The following LRRC8D variants were observed in gnomAD, a reference collection of about 807,000 sequenced individuals.
LRRC8D encodes leucine rich repeat containing 8 VRAC subunit D.
A neutral mutation model predicts 55.8 loss-of-function variants in LRRC8D; 20 were observed. That is an observed-to-expected ratio of 0.36 (90% CI 0.25 to 0.52). LRRC8D has a LOEUF of 0.52. Ranked by LOEUF, LRRC8D falls within the 20% of genes least tolerant of loss-of-function variation. The pLI is 0.93. For synonymous variants in LRRC8D, 352 were observed against 377.0 expected (o/e 0.93, Z 0.77); for missense variants, 651 against 1,030.8 (o/e 0.63, Z 5.05).
chr1:89,926,342 T>G (rs1663564518), intron 2 of LRRC8D, among the ~76,000 whole-genome samples: 1 of 152,270 alleles, frequency 6.6e-6, no homozygotes, highest in Admixed American at 6.5e-5. Flanking sequence ...GTACACTTAC[T>G]GCTTATCATC....
intron 2 of LRRC8D, among the ~76,000 whole-genome samples, chr1:89,854,837 T>C (rs1017740697): frequency 2.6e-5 from 4 of 152,112 alleles, no homozygotes; most frequent in Admixed American, 6.5e-5. Context: ...TGTCTGCAGT[T>C]GTGTCTGTAC....
chr1:89,839,216 G>A (rs1031827561), intron 1 of LRRC8D, among the ~76,000 whole-genome samples: 1 of 152,298 alleles, frequency 6.6e-6, no homozygotes, highest in African/African-American at 2.4e-5. Flanking sequence ...ACCTCCCTGC[G>A]AAGGTAGTTC....
chr1:89,832,350 T>C (rs1660907389), intron 1 of LRRC8D, among the ~76,000 whole-genome samples: 2 of 152,238 alleles, frequency 1.3e-5, no homozygotes, highest in Admixed American at 6.5e-5. Context: ...TCCTGGAATT[T>C]CAGCATTTTC....
At chr1:89,855,303 T>C (rs1661526699) in intron 2 of LRRC8D, among the ~76,000 whole-genome samples, 1 of 152,224 alleles carries the variant, frequency 6.6e-6, no homozygotes, top group East Asian at 1.9e-4. Context: ...GGTGTACTTA[T>C]TCTTCAAAGC....
At chr1:89,859,248 T>A (rs2100788788) in intron 2 of LRRC8D, among the ~76,000 whole-genome samples, 1 of 152,004 alleles carries the variant, frequency 6.6e-6, no homozygotes, top group East Asian at 1.9e-4. Flanking sequence ...CAAAGCTAGG[T>A]AATTTGACTC....
At chr1:89,843,946 C>CGCCCGA (rs1661206335) in intron 2 of LRRC8D, among the ~76,000 whole-genome samples, 164 bp downstream of exon 2, 2 of 152,358 alleles carry the variant, frequency 1.3e-5, no homozygotes, top group South Asian at 4.1e-4. Context: ...TGGCTGCTGC[C>CGCCCGA]GCCCTGGGTT....
chr1:89,914,406 C>T (rs560985236), intron 2 of LRRC8D, among the ~76,000 whole-genome samples: 64 of 152,342 alleles, frequency 4.2e-4, no homozygotes, highest in Admixed American at 1.9e-3. Flanking sequence ...AAGGGGCTCC[C>T]ACAGTGCATT....
chr1:89,912,269 G>A (rs1300236120), intron 2 of LRRC8D, among the ~76,000 whole-genome samples: 1 of 152,124 alleles, frequency 6.6e-6, no homozygotes, highest in East Asian at 1.9e-4. Flanking sequence ...ACGGAATGGT[G>A]ACCTCATTGC....
intron 2 of LRRC8D, among the ~76,000 whole-genome samples, chr1:89,925,459 G>A (rs1570895342): frequency 6.6e-6 from 1 of 152,138 alleles, no homozygotes; most frequent in South Asian, 2.1e-4. Context: ...TGGAAAAATT[G>A]TCTTCCATGA....
intron 2 of LRRC8D, among the ~76,000 whole-genome samples, chr1:89,908,232 A>G (rs1663044172): frequency 2.6e-5 from 4 of 152,112 alleles, no homozygotes; most frequent in Admixed American, 2.6e-4. Flanking sequence ...GATTGCTATT[A>G]CTCTAGTCTG....
intron 2 of LRRC8D, among the ~76,000 whole-genome samples, chr1:89,922,332 T>G (rs1469355794): frequency 6.6e-6 from 1 of 152,194 alleles, no homozygotes; most frequent in African/African-American, 2.4e-5. Flanking sequence ...CCCAAAGTGC[T>G]GGGATTACAG....
chr1:89,872,041 T>G (rs1256797744), intron 2 of LRRC8D, among the ~76,000 whole-genome samples: 2 of 152,238 alleles, frequency 1.3e-5, no homozygotes, highest in Non-Finnish European at 2.9e-5. Context: ...CCTCATTACC[T>G]GGCAATCTCT....
chr1:89,832,859 A>G lies in LRRC8D; in HGVS notation c.-147-10779A>G, dbSNP rs140373135. Among the ~76,000 whole-genome samples the G allele has an allele frequency of 4.3e-3, 649 of 152,376 alleles. 8 individuals carry two copies. Among genetic ancestry groups the G allele is most frequent in the African/African-American group, 0.014 (598 of 41,588 alleles). On this transcript the variant is annotated intron_variant, in intron 1 of 2. Transcript: ENST00000337338. The stretch of plus-strand genomic sequence containing the variant: ...TGACGAATCTGGAAATAAGACTAGG[A>G]AACACTTCACCATGTGCCAGGCACT...
At chr1:89,890,123 C>G (rs953659990) in intron 2 of LRRC8D, among the ~76,000 whole-genome samples, 20 of 152,130 alleles carry the variant, frequency 1.3e-4, no homozygotes, top group Non-Finnish European at 2.2e-4. Context: ...GGAGGCGGAG[C>G]TTGGCAGTGA....
At position 89,843,764 on chromosome 1, in the gene LRRC8D, G is replaced by T. The variant is rs1021193203; in HGVS notation, c.-21G>T. 1.4e-6 allele frequency: 1 copy of T among 693,362 alleles called. No individual in the cohort carries two copies. Among genetic ancestry groups the T allele is most frequent in the African/African-American group, 1.8e-5 (1 of 56,964 alleles). 43.0% of individuals were successfully genotyped at this position (693,362 alleles called of 1,614,324 possible). A position where few individuals can be genotyped will look rare whatever the true frequency, so the allele number is the denominator to read the frequency against. ...CCCCAGAGAGCGCCCTGAGAGAACA[G>T]GGTGGCCGCTTGGTCCAGGTGCGCG... On this transcript the variant is annotated 5_prime_UTR_variant, in exon 2 of 3. It adds an upstream start codon to the 5' untranslated region. Transcript: ENST00000337338.
intron 1 of LRRC8D, among the ~76,000 whole-genome samples, chr1:89,836,870 T>C (rs1661015498): frequency 6.6e-6 from 1 of 152,244 alleles, no homozygotes; most frequent in Non-Finnish European, 1.5e-5. Flanking sequence ...ATTAATGTTA[T>C]GTGCAAATTT....
intron 2 of LRRC8D, among the ~76,000 whole-genome samples, chr1:89,900,797 TG>T (rs1452241363): frequency 6.6e-6 from 1 of 152,228 alleles, no homozygotes; most frequent in Non-Finnish European, 1.5e-5. Flanking sequence ...CTATTGTTAA[TG>T]CAGGTGTCTC....
At chr1:89,831,680 G>A (rs1660889895) in intron 1 of LRRC8D, among the ~76,000 whole-genome samples, 1 of 152,132 alleles carries the variant, frequency 6.6e-6, no homozygotes, top group South Asian at 2.1e-4. Flanking sequence ...AATTCCTAGT[G>A]TATCATGTTA....
intron 2 of LRRC8D, among the ~76,000 whole-genome samples, chr1:89,916,233 A>G (rs954021968): frequency 2.0e-5 from 3 of 152,238 alleles, no homozygotes; most frequent in Non-Finnish European, 4.4e-5. Flanking sequence ...TAGTTTGTGA[A>G]GGGCTTCCAG....
Sources: allele counts gnomAD v4.1 joint callset (sites outside exome capture counted in the v4.1 genomes callset), GRCh38; gene constraint gnomAD v4.1.1; transcripts MANE v1.5; gene names NCBI Gene and HGNC (gene_info 2026-07-23, HGNC 2026-07-21).